RAB11FIP5: variants seen among roughly 807,000 people sequenced by gnomAD.
RAB11FIP5 encodes the protein RAB11 family interacting protein 5.
A neutral mutation model predicts 85.1 loss-of-function variants in RAB11FIP5; 48 were observed. The ratio of observed to expected loss-of-function variants is 0.56; its 90% confidence interval spans 0.45 to 0.72. The LOEUF is 0.72. Among genes scored for constraint, RAB11FIP5 ranks in the 30% least tolerant of loss-of-function variants. The pLI is 0.00. For synonymous variants in RAB11FIP5, 729 were observed against 727.3 expected, an observed-to-expected ratio of 1.00 and a Z score of -0.04; for missense variants, 1,491 against 1,687.0, an observed-to-expected ratio of 0.88 and a Z score of 2.04.
At chr2:73,084,051 C>T (rs1684049013) in intron 3 of RAB11FIP5, 1 of 152,294 alleles carries the variant, frequency 6.6e-6, no homozygotes, top group East Asian at 1.9e-4. Flanking sequence ...GGGGAGTAGA[C>T]TGGGAGCCTC....
In RAB11FIP5 at chr2:73,075,430, G is replaced by T; in HGVS notation, c.*91C>A. The T allele has an allele frequency of 7.8e-7, 1 of 1,282,722 alleles. No individual in the cohort carries two copies. The highest frequency in any genetic ancestry group is 1.1e-6 in the Non-Finnish European group (1 of 878,606). 79.5% of individuals were successfully genotyped at this position (1,282,722 alleles called of 1,614,324 possible). ...CAAGGAGTGACAAGGCAAGACAGAC[G>T]ATGCCCCACTGCAGATGAGAGAGTT... On this transcript the variant is annotated 3_prime_UTR_variant, in exon 6 of 6. Transcript: ENST00000486777. This position sits in a 1 kb window ranked among gnomAD's most constrained non-coding sequence, Gnocchi z 4.6.
intron 1 of RAB11FIP5, among the ~76,000 whole-genome samples, chr2:73,103,106 G>A (rs531864504): frequency 3.3e-5 from 5 of 152,044 alleles, no homozygotes; most frequent in African/African-American, 9.7e-5. Flanking sequence ...CTGTCTCCCC[G>A]CATCCACCGC....
rs374744842 is a variant in RAB11FIP5, at chr2:73,112,469, G to A, written c.309C>T (p.Ala103=). Residue 103 remains alanine (A), a synonymous_variant, in exon 1 of 6, where the codon GCC becomes GCT. Coordinates refer to ENST00000486777, the MANE Select transcript of RAB11FIP5 (RefSeq NM_001371272.1). ...AGPAPWAASS[A]AACELVLTTM... ...TGGTGAGCACCAGCTCGCAGGCGGC[G>A]GCGGAGCTCGCGGCCCAGGGCGCCG... The A allele has an allele frequency of 1.1e-4, 159 of 1,480,324 alleles. No individual in the cohort carries two copies. The highest frequency in any genetic ancestry group is 8.9e-4 in the Middle Eastern group (5 of 5,592). 91.7% of individuals were successfully genotyped at this position (1,480,324 alleles called of 1,614,324 possible).
At chr2:73,093,506 G>A (rs1421822816) in intron 1 of RAB11FIP5, among the ~76,000 whole-genome samples, 1 of 152,222 alleles carries the variant, frequency 6.6e-6, no homozygotes, top group East Asian at 1.9e-4. Flanking sequence ...AATCATGCAT[G>A]CACAGTCTGG....
chr2:73,109,039 T>C (rs1020425228), intron 1 of RAB11FIP5, among the ~76,000 whole-genome samples: 11 of 151,208 alleles, frequency 7.3e-5, no homozygotes, highest in Admixed American at 6.6e-4. Context: ...AGTGAGACAC[T>C]GTCTCAAAAA....
Position 73,088,342 on chromosome 2 carries a change from C to T in RAB11FIP5, c.1276G>A (p.Ala426Thr), listed in dbSNP as rs144951768. The change falls in exon 3 of 6, where the codon GCC (alanine) becomes ACC (threonine). Residue 426 changes from alanine to threonine, a missense_variant. Around this residue, in one of 3 missense-constraint regions of RAB11FIP5, gnomAD observed 1,211 missense variants for 1,338.0 expected, o/e 0.91. Transcript: ENST00000486777. ...ACTGGCTTGCCCTCTGGTAGCCGGG[C>T]CCCCTCCTCCTCTCCAGGGTGGCTG... is the stretch of plus-strand genomic sequence containing the variant. ...GASHPGEEEGARLPEGKPVQV... is the reference protein window; with the variant it reads ...GASHPGEEEGTRLPEGKPVQV... 7 of 1,613,484 alleles carry T rather than the reference C, an allele frequency of 4.3e-6. No homozygotes were observed. The African/African-American group carries it at 8.0e-5, about 18-fold the overall frequency.
chr2:73,081,364 G>C lies in RAB11FIP5; in HGVS notation c.1868C>G (p.Pro623Arg), dbSNP rs943415892. 5 of 1,232,886 alleles carry C rather than the reference G, an allele frequency of 4.1e-6. No individual in the cohort carries two copies. The highest frequency in any genetic ancestry group is 1.6e-5 in the African/African-American group (1 of 64,430). The allele number at this position is 1,232,886 out of a possible 1,614,324, so 76.4% of individuals were successfully genotyped here. Residue 623 changes from proline to arginine, a missense_variant, in exon 4 of 6, where the codon CCT (proline) becomes CGT (arginine). Around this residue, in one of 3 missense-constraint regions of RAB11FIP5, gnomAD observed 1,211 missense variants for 1,338.0 expected, o/e 0.91. Coordinates refer to ENST00000486777, the MANE Select transcript of RAB11FIP5 (RefSeq NM_001371272.1). This position sits in a 1 kb window ranked among gnomAD's most constrained non-coding sequence, Gnocchi z 4.2. ...CGAGGCACTGGGGAGAGAGGGAGCAGGTGAAGGAGAGTTTAGTGCTATGTC... is the reference window on the plus strand; with the variant it reads ...CGAGGCACTGGGGAGAGAGGGAGCACGTGAAGGAGAGTTTAGTGCTATGTC... Reference protein sequence around the residue: ...IADIALNSPSPAPSLPSASRA... With the variant: ...IADIALNSPSRAPSLPSASRA...
Position 73,075,585 on chromosome 2 carries a change from A to T in RAB11FIP5, c.3911T>A (p.Leu1304Gln). The change falls in exon 6 of 6, where the codon CTG becomes CAG. Residue 1304 changes from leucine to glutamine, a missense_variant. Physicochemically the swap from Leu to Gln is moderately radical, Grantham distance 113. Transcript: ENST00000486777. The surrounding 1 kb of genome is among the most constrained non-coding windows in gnomAD (Gnocchi z 4.6). The part of the protein sequence containing the change: ...VQELESYIDR[L>Q]LVRIMETSPT... ...TGAGGTCTCCATGATCCGCACCAGC[A>T]GCCGGTCGATGTAGCTCTCCAGCTC... The T allele has an allele frequency of 6.2e-7, 1 of 1,614,162 alleles. No homozygotes were observed. The highest frequency in any genetic ancestry group is 2.2e-5 in the East Asian group (1 of 44,870).
At chr2:73,109,515 G>T (rs1290246229) in intron 1 of RAB11FIP5, among the ~76,000 whole-genome samples, 1 of 152,198 alleles carries the variant, frequency 6.6e-6, no homozygotes, top group Non-Finnish European at 1.5e-5. Context: ...TCACAGAACG[G>T]GGAGTGAAAT....
chr2:73,104,190 G>C (rs1456172879), intron 1 of RAB11FIP5, among the ~76,000 whole-genome samples: 1 of 152,232 alleles, frequency 6.6e-6, no homozygotes. Flanking sequence ...TGTCTCTGAA[G>C]AGAGGAGCTA....
intron 3 of RAB11FIP5, among the ~76,000 whole-genome samples, chr2:73,083,593 A>T (rs1684041149): frequency 6.6e-6 from 1 of 152,166 alleles, no homozygotes; most frequent in South Asian, 2.1e-4. Flanking sequence ...GCTTCTATGG[A>T]CATGGTGAAG....
chr2:73,109,885 C>T (rs1440279600), intron 1 of RAB11FIP5, among the ~76,000 whole-genome samples: 1 of 152,250 alleles, frequency 6.6e-6, no homozygotes, highest in East Asian at 1.9e-4. Context: ...CACTGCTCTG[C>T]ACTGACCACC....
At chr2:73,109,866 C>T (rs1574307554) in intron 1 of RAB11FIP5, among the ~76,000 whole-genome samples, 1 of 152,232 alleles carries the variant, frequency 6.6e-6, no homozygotes, top group East Asian at 1.9e-4. Context: ...TAAAATCTCC[C>T]TTCACCATCA....
chr2:73,097,539 T>G (rs192874009), intron 1 of RAB11FIP5, among the ~76,000 whole-genome samples: 1 of 152,224 alleles, frequency 6.6e-6, no homozygotes, highest in East Asian at 1.9e-4. Context: ...CACTCAAATA[T>G]TTGCTCAATG....
chr2:73,108,770 G>A lies in RAB11FIP5; in HGVS notation c.431+3577C>T, dbSNP rs190271508. Among the ~76,000 whole-genome samples the A allele has an allele frequency of 3.1e-3, 471 of 152,340 alleles. 4 individuals carry two copies. The highest frequency in any genetic ancestry group is 6.8e-3 in the Middle Eastern group (2 of 294). On this transcript the variant is annotated intron_variant, in intron 1 of 5. Transcript: ENST00000486777. ...TGCTAAGAAGGACGTTGGGCCAGGC[G>A]TGGTGGCTCATGCCTGTAATCCCAG...
At chr2:73,109,857 A>G (rs946686358) in intron 1 of RAB11FIP5, among the ~76,000 whole-genome samples, 26 of 152,204 alleles carry the variant, frequency 1.7e-4, no homozygotes, top group Admixed American at 1.5e-3. Flanking sequence ...CATTGTTACT[A>G]AAATCTCCCT....
intron 3 of RAB11FIP5, among the ~76,000 whole-genome samples, chr2:73,085,791 C>T (rs1684081223): frequency 6.6e-6 from 1 of 152,198 alleles, no homozygotes; most frequent in South Asian, 2.1e-4. Flanking sequence ...TGTGGGGCAT[C>T]AGTGCCACAT....
chr2:73,100,801 T>G (rs1480594837), intron 1 of RAB11FIP5, among the ~76,000 whole-genome samples: 3 of 151,118 alleles, frequency 2.0e-5, no homozygotes, highest in African/African-American at 7.3e-5. Flanking sequence ...TGTTTTTTTG[T>G]TTTTTTGTTT....
Position 73,112,897 on chromosome 2 carries a change from C to A in RAB11FIP5, c.-120G>T. ...CTCTGAGCGCCGCCGCAGCTGCGGG[C>A]TGGGCTGGGCCGGGCCGACCGGCCG... is the stretch of plus-strand genomic sequence containing the variant. On this transcript the variant is annotated 5_prime_UTR_variant, in exon 1 of 6. Transcript: ENST00000486777. The A allele has an allele frequency of 1.0e-6, 1 of 974,228 alleles. No homozygotes were observed. Among genetic ancestry groups the A allele is most frequent in the Non-Finnish European group, 1.3e-6 (1 of 751,714 alleles). The allele number at this position is 974,228 out of a possible 1,614,324, so 60.3% of individuals were successfully genotyped here.
Sources: gnomAD v4.1 joint callset for allele counts (sites outside exome capture counted in the v4.1 genomes callset) on GRCh38, gnomAD v4.1.1 for gene constraint, gnomAD v4.1.1 regional missense constraint, Gnocchi (gnomAD v3.1) non-coding constraint, MANE v1.5 for transcripts, NCBI Gene and HGNC (gene_info 2026-07-23, HGNC 2026-07-21) for gene names.